The following PTPN2 variants were observed in gnomAD, a reference collection of about 807,000 sequenced individuals.
The protein encoded by PTPN2 is tyrosine-protein phosphatase non-receptor type 2.
Under a neutral mutation model 57.3 loss-of-function variants are expected in PTPN2, and 19 were observed. That is an observed-to-expected ratio of 0.33 (90% CI 0.23 to 0.49). The LOEUF is 0.49. Ranked by LOEUF, PTPN2 falls within the 20% of genes least tolerant of loss-of-function variation. PTPN2 has a pLI of 0.99. For synonymous variants in PTPN2, 153 were observed against 164.9 expected, an observed-to-expected ratio of 0.93 and a Z score of 0.55; for missense variants, 358 against 501.1, an observed-to-expected ratio of 0.71 and a Z score of 2.73.
chr18:12,826,659 C>T (rs144916290), intron 4 of PTPN2, among the ~76,000 whole-genome samples: 2 of 152,072 alleles, frequency 1.3e-5, no homozygotes, highest in African/African-American at 2.4e-5. Context: ...ACCTCTGCCT[C>T]CTGGGTTCAA....
chr18:12,797,051 G>A (rs540654462), intron 8 of PTPN2, among the ~76,000 whole-genome samples: 1 of 152,088 alleles, frequency 6.6e-6, no homozygotes, highest in South Asian at 2.1e-4. Flanking sequence ...CTGCTATAAT[G>A]ACTTGCAAAA....
intron 1 of PTPN2, among the ~76,000 whole-genome samples, chr18:12,870,075 AAG>A (rs2044134278): frequency 1.3e-5 from 2 of 151,010 alleles, no homozygotes; most frequent in East Asian, 2.0e-4. Flanking sequence ...CTCTTTGAGG[AAG>A]AGAGTTTAGA....
chr18:12,874,640 G>A (rs1168540816), intron 1 of PTPN2, among the ~76,000 whole-genome samples: 5 of 135,378 alleles, frequency 3.7e-5, no homozygotes, highest in African/African-American at 1.4e-4. Context: ...AGGTGGGGGG[G>A]TCAGCCCCCC....
chr18:12,789,428 C>G (rs1421826496), downstream of PTPN2, among the ~76,000 whole-genome samples: 4 of 152,188 alleles, frequency 2.6e-5, no homozygotes, highest in Non-Finnish European at 4.4e-5. Flanking sequence ...TTATAAAATT[C>G]TAGGCCTCTA....
At chr18:12,846,472 A>C (rs904863962) in intron 2 of PTPN2, among the ~76,000 whole-genome samples, 8 of 152,298 alleles carry the variant, frequency 5.3e-5, no homozygotes, top group African/African-American at 1.9e-4. Flanking sequence ...ATAGGTTGTA[A>C]CCATTATTTA....
chr18:12,833,341 G>A (rs1328908642), intron 3 of PTPN2, among the ~76,000 whole-genome samples: 2 of 152,198 alleles, frequency 1.3e-5, no homozygotes, highest in African/African-American at 2.4e-5. Context: ...CTAGATGCAA[G>A]GCCAAGAGCT....
chr18:12,799,143 G>T (rs1245831997), intron 8 of PTPN2, among the ~76,000 whole-genome samples: 1 of 152,138 alleles, frequency 6.6e-6, no homozygotes, highest in African/African-American at 2.4e-5. Context: ...TTCTGGCCAG[G>T]TGTGGTGGCT....
At chr18:12,815,129 T>TAAA (rs1375275646) in intron 6 of PTPN2, among the ~76,000 whole-genome samples, 1 of 125,426 alleles carries the variant, frequency 8.0e-6, no homozygotes, top group Non-Finnish European at 1.8e-5. Flanking sequence ...AATAAATAAA[T>TAAA]AAATAAAAAT....
chr18:12,875,280 T>G (rs1214439249), intron 1 of PTPN2, among the ~76,000 whole-genome samples: 2 of 148,068 alleles, frequency 1.4e-5, no homozygotes, highest in Non-Finnish European at 3.0e-5. Context: ...TCCCTCTCTG[T>G]GAGAAACACC....
chr18:12,838,524 C>T (rs1422282606), intron 2 of PTPN2, among the ~76,000 whole-genome samples: 1 of 152,198 alleles, frequency 6.6e-6, no homozygotes, highest in African/African-American at 2.4e-5. Context: ...ACAGTAACCA[C>T]ACACCAGAAA....
chr18:12,788,493 G>A (rs1380867997), downstream of PTPN2, among the ~76,000 whole-genome samples: 1 of 136,156 alleles, frequency 7.3e-6, no homozygotes, highest in Non-Finnish European at 1.5e-5. Flanking sequence ...GGCTGGTCTC[G>A]AACCCCTGGG....
At chr18:12,868,858 A>G (rs2044087562) in intron 1 of PTPN2, among the ~76,000 whole-genome samples, 1 of 151,440 alleles carries the variant, frequency 6.6e-6, no homozygotes, top group African/African-American at 2.4e-5. Context: ...TCTGAATTTT[A>G]AAGTTTTAAG....
intron 1 of PTPN2, among the ~76,000 whole-genome samples, chr18:12,864,600 G>A (rs867602477): frequency 5.0e-4 from 76 of 151,896 alleles, no homozygotes; most frequent in African/African-American, 1.1e-3. Context: ...GGGTTTCACC[G>A]TGTTAGCCAG....
chr18:12,837,290 G>A (rs2042900875), intron 2 of PTPN2, among the ~76,000 whole-genome samples: 1 of 152,096 alleles, frequency 6.6e-6, no homozygotes, highest in Non-Finnish European at 1.5e-5. Context: ...CTAGATTTCC[G>A]AGGTTACTAT....
intron 5 of PTPN2, among the ~76,000 whole-genome samples, chr18:12,818,659 GTTTTT>G (rs762467729): frequency 7.0e-6 from 1 of 143,740 alleles, no homozygotes; most frequent in Non-Finnish European, 1.5e-5. Flanking sequence ...ATTGTAGGAG[GTTTTT>G]TTTTTTTGAG....
chr18:12,824,339 C>G (rs16939905), intron 5 of PTPN2, among the ~76,000 whole-genome samples: 3,712 of 152,228 alleles, frequency 0.024, 158 homozygotes, highest in African/African-American at 0.084. Context: ...CTAGGCCTCA[C>G]GCACAGAGCA....
intron 7 of PTPN2, among the ~76,000 whole-genome samples, chr18:12,812,835 C>T (rs2041939315): frequency 6.6e-6 from 1 of 152,002 alleles, no homozygotes; most frequent in African/African-American, 2.4e-5. Context: ...GCAGAAAATG[C>T]CTTAGAATTG....
intron 2 of PTPN2, among the ~76,000 whole-genome samples, chr18:12,844,196 G>A (rs1303733711): frequency 6.6e-6 from 1 of 152,204 alleles, no homozygotes; most frequent in African/African-American, 2.4e-5. Context: ...AGGACATGTG[G>A]GTTGTTTCGA....
At chr18:12,819,480 G>A (rs1049110999) in intron 5 of PTPN2, among the ~76,000 whole-genome samples, 3 of 151,994 alleles carry the variant, frequency 2.0e-5, no homozygotes, top group African/African-American at 7.3e-5. Flanking sequence ...TTTCTGGCTG[G>A]GGGTAGAGGA....
Sources: allele counts gnomAD v4.1 joint callset (sites outside exome capture counted in the v4.1 genomes callset), GRCh38; gene constraint gnomAD v4.1.1; transcripts MANE v1.5; gene names NCBI Gene and HGNC (gene_info 2026-07-23, HGNC 2026-07-21).